The following PTPRR variants were observed in gnomAD, a reference collection of about 807,000 sequenced individuals.
The protein encoded by PTPRR is protein tyrosine phosphatase receptor type R.
PTPRR carries 38 observed loss-of-function variants against 77.2 expected under a neutral mutation model. The ratio of observed to expected loss-of-function variants is 0.49; its 90% confidence interval spans 0.38 to 0.65. The LOEUF (loss-of-function observed/expected upper bound fraction) is 0.65. Ranked by LOEUF, PTPRR falls within the 30% of genes least tolerant of loss-of-function variation. The pLI is 0.00. For missense variants in PTPRR, 744 were observed against 799.2 expected, an observed-to-expected ratio of 0.93 and a Z score of 0.83; for synonymous variants, 299 against 283.1, an observed-to-expected ratio of 1.06 and a Z score of -0.57.
chr12:70,707,738 C>A (rs1888668967), intron 6 of PTPRR, among the ~76,000 whole-genome samples: 1 of 152,084 alleles, frequency 6.6e-6, no homozygotes, highest in South Asian at 2.1e-4. Flanking sequence ...ACTCTTGGAG[C>A]TCGCTGATAT....
intron 4 of PTPRR, among the ~76,000 whole-genome samples, chr12:70,759,679 TAA>T (rs34011060): frequency 0.15 from 5,009 of 33,752 alleles, 82 homozygotes; most frequent in African/African-American, 0.22. Context: ...GACTCCGTCT[TAA>T]AAAAAAAAAA....
intron 2 of PTPRR, among the ~76,000 whole-genome samples, chr12:70,805,830 G>A (rs1232968195): frequency 1.3e-5 from 2 of 152,168 alleles, no homozygotes; most frequent in African/African-American, 2.4e-5. Flanking sequence ...AATTTAAACT[G>A]TGGCAGTTTG....
At chr12:70,878,874 G>A (rs1893100228) in intron 2 of PTPRR, among the ~76,000 whole-genome samples, 1 of 152,122 alleles carries the variant, frequency 6.6e-6, no homozygotes. Context: ...ATCATAGACT[G>A]GATTAAGAAA....
At chr12:70,857,469 C>G (rs1298080268) in intron 2 of PTPRR, among the ~76,000 whole-genome samples, 2 of 152,148 alleles carry the variant, frequency 1.3e-5, no homozygotes, top group African/African-American at 4.8e-5. Context: ...GGATAGACTA[C>G]TCTTTCAAGG....
chr12:70,917,576 C>A (rs949414691), intron 1 of PTPRR, among the ~76,000 whole-genome samples: 12 of 152,006 alleles, frequency 7.9e-5, no homozygotes, highest in African/African-American at 2.9e-4. Context: ...GTTAATTTAC[C>A]CAGAGATGCC....
At chr12:70,823,096 GTCTC>G (rs555648852) in intron 2 of PTPRR, among the ~76,000 whole-genome samples, 228 of 109,304 alleles carry the variant, frequency 2.1e-3, no homozygotes, top group Middle Eastern at 4.9e-3. Context: ...CTCTCTTGCT[GTCTC>G]TCTCTCTGAC....
intron 2 of PTPRR, among the ~76,000 whole-genome samples, chr12:70,869,102 T>C (rs1456262025): frequency 2.0e-5 from 3 of 150,276 alleles, no homozygotes; most frequent in Non-Finnish European, 1.5e-5. Flanking sequence ...AGTTAATGGG[T>C]GCAGCACACC....
rs118106819 is a variant in PTPRR, at chr12:70,831,054, G to A, written c.357+61625C>T. ...TCATGACAACTCAACACAAGAAGGA[G>A]CTGTTATTATTCCCATTTTACAGAT... On this transcript the variant is annotated intron_variant, in intron 2 of 13. Transcript: ENST00000283228. Among the ~76,000 whole-genome samples, 642 of 152,254 alleles carry A rather than the reference G, an allele frequency of 4.2e-3. 2 individuals carry two copies. The highest frequency in any genetic ancestry group is 6.9e-3 in the Non-Finnish European group (470 of 68,022).
chr12:70,799,621 T>G (rs1336198291), intron 2 of PTPRR, among the ~76,000 whole-genome samples: 1 of 152,214 alleles, frequency 6.6e-6, no homozygotes, highest in Non-Finnish European at 1.5e-5. Flanking sequence ...TTATGAAATT[T>G]CCATTAAGTA....
At chr12:70,887,747 C>G (rs1893265425) in intron 2 of PTPRR, among the ~76,000 whole-genome samples, 1 of 151,900 alleles carries the variant, frequency 6.6e-6, no homozygotes. Flanking sequence ...TGCAGGGAGT[C>G]AAGGAGAGGT....
Position 70,764,683 on chromosome 12 carries a change from C to T in PTPRR, c.453G>A (p.Val151=), listed in dbSNP as rs758531215. The part of the protein sequence containing the change: ...AAALGLLPQQ[V]HINRLIGKKN... ...ATCTTACAATGAGGCGATTGATGTG[C>T]ACTTGCTGGGGTAAGAGTCCTAAAG... Residue 151 remains valine (V), a synonymous_variant, in exon 3 of 14, where the codon GTG becomes GTA. Coordinates refer to ENST00000283228, the MANE Select transcript of PTPRR (RefSeq NM_002849.4). 1 of 1,613,102 alleles carries T rather than the reference C, an allele frequency of 6.2e-7. No individual in the cohort carries two copies. Among genetic ancestry groups the T allele is most frequent in the East Asian group, 2.2e-5 (1 of 44,874 alleles).
chr12:70,727,812 T>C (rs535082033), intron 6 of PTPRR, among the ~76,000 whole-genome samples: 2 of 152,322 alleles, frequency 1.3e-5, no homozygotes, highest in South Asian at 4.1e-4. Flanking sequence ...TACTTCACCC[T>C]CAGGTCTTTG....
chr12:70,833,081 A>T (rs957234090), intron 2 of PTPRR, among the ~76,000 whole-genome samples: 2 of 152,090 alleles, frequency 1.3e-5, no homozygotes, highest in East Asian at 3.9e-4. Flanking sequence ...CATGACCCAA[A>T]CACCTCCCAC....
chr12:70,880,863 C>T (rs1463995048), intron 2 of PTPRR, among the ~76,000 whole-genome samples: 1 of 152,088 alleles, frequency 6.6e-6, no homozygotes, highest in African/African-American at 2.4e-5. Context: ...TTTCCTTTAA[C>T]TTGGCTATTT....
intron 2 of PTPRR, among the ~76,000 whole-genome samples, chr12:70,855,514 A>T (rs73332142): frequency 0.069 from 10,570 of 152,228 alleles, 540 homozygotes; most frequent in African/African-American, 0.16. Flanking sequence ...TGTACATAGA[A>T]ATACCAAGGA....
intron 2 of PTPRR, among the ~76,000 whole-genome samples, chr12:70,886,529 A>G (rs1019786734): frequency 1.3e-5 from 2 of 152,184 alleles, no homozygotes; most frequent in Admixed American, 1.3e-4. Context: ...AGTCAACTCA[A>G]ATGATTTTGA....
At chr12:70,902,899 G>T (rs939376251) in intron 1 of PTPRR, among the ~76,000 whole-genome samples, 1 of 151,584 alleles carries the variant, frequency 6.6e-6, no homozygotes, top group Non-Finnish European at 1.5e-5. Context: ...AAAGAGAAAA[G>T]GTAGCATGTA....
chr12:70,775,557 C>A (rs745700264), intron 2 of PTPRR, among the ~76,000 whole-genome samples: 1 of 152,210 alleles, frequency 6.6e-6, no homozygotes, highest in Non-Finnish European at 1.5e-5. Context: ...AGTTATTAGG[C>A]AGCCTGGACT....
chr12:70,733,740 T>C (rs1486498360), intron 6 of PTPRR, among the ~76,000 whole-genome samples: 1 of 152,160 alleles, frequency 6.6e-6, no homozygotes, highest in African/African-American at 2.4e-5. Context: ...GTTTTATATT[T>C]ATATAAATAA....
Sources: gnomAD v4.1 joint callset for allele counts (sites outside exome capture counted in the v4.1 genomes callset) on GRCh38, gnomAD v4.1.1 for gene constraint, MANE v1.5 for transcripts, NCBI Gene and HGNC (gene_info 2026-07-23, HGNC 2026-07-21) for gene names.